The following EGFR variants were observed in gnomAD, a reference collection of about 807,000 sequenced individuals.
The protein encoded by EGFR is avian erythroblastic leukemia viral (v-erb-b) oncogene homolog.
Under a neutral mutation model 143.0 loss-of-function variants are expected in EGFR, and 58 were observed. The observed-to-expected ratio is 0.41, with a 90% CI of 0.33 to 0.50. The LOEUF is 0.50. Ranked by LOEUF, EGFR falls within the 20% of genes least tolerant of loss-of-function variation. EGFR has a pLI of 0.39. For synonymous variants in EGFR, 613 were observed against 594.4 expected (o/e 1.03, Z -0.45); for missense variants, 1,307 against 1,579.0 (o/e 0.83, Z 2.92).
intron 1 of EGFR, among the ~76,000 whole-genome samples, chr7:55,081,240 C>A (rs1245033385): frequency 5.3e-5 from 8 of 152,196 alleles, no homozygotes; most frequent in African/African-American, 1.9e-4. Context: ...CAATCATGGA[C>A]TTTTGGCGGC....
intron 15 of EGFR, among the ~76,000 whole-genome samples, chr7:55,168,972 C>T (rs1482777759): frequency 6.6e-6 from 1 of 152,082 alleles, no homozygotes; most frequent in Non-Finnish European, 1.5e-5. Flanking sequence ...GTTTCTTTAA[C>T]AACTTGTGAA....
intron 3 of EGFR, among the ~76,000 whole-genome samples, chr7:55,145,675 A>C (rs1246382137): frequency 1.3e-5 from 2 of 152,228 alleles, no homozygotes; most frequent in Non-Finnish European, 1.5e-5. Context: ...TTGCTTCATG[A>C]ATCAGAGGTC....
At chr7:55,139,555 T>C (rs773982093) in intron 1 of EGFR, among the ~76,000 whole-genome samples, 5 of 152,192 alleles carry the variant, frequency 3.3e-5, no homozygotes, top group Non-Finnish European at 7.3e-5. Flanking sequence ...AACAACCTTA[T>C]GTGTTTTCTT....
rs149375515 is a variant in EGFR at position 55,165,356 on chromosome 7, T to C, written c.1799T>C (p.Met600Thr). The change falls in exon 15 of 28, where the codon ATG becomes ACG. Residue 600 changes from methionine (M) to threonine (T), a missense_variant. This residue lies in a region of EGFR where 250 missense variants were observed against 295.1 expected (regional missense o/e 0.85). Transcript: ENST00000275493. Reference protein sequence around the residue: ...HCVKTCPAGVMGENNTLVWKY... With the variant: ...HCVKTCPAGVTGENNTLVWKY... ...GTCAAGACCTGCCCGGCAGGAGTCA[T>C]GGGAGAAAACAACACCCTGGTCTGG... 1.4e-4 allele frequency: 226 copies of C among 1,614,058 alleles called. No homozygotes were observed. Among genetic ancestry groups the C allele is most frequent in the Non-Finnish European group, 1.8e-4 (214 of 1,180,042 alleles).
rs2128975106 is a variant in EGFR, at chr7:55,205,279, A to C, written c.3295A>C (p.Lys1099Gln). 2 of 1,613,144 alleles carry C rather than the reference A, an allele frequency of 1.2e-6. No individual in the cohort carries two copies. The highest frequency in any genetic ancestry group is 2.2e-5 in the South Asian group (2 of 90,842). ...VPEYINQSVP[K>Q]RPAGSVQNPV... is the part of the protein sequence containing the mutation. ...AGAATACATAAACCAGTCCGTTCCC[A>C]AAAGGCCCGCTGGCTCTGTGCAGAA... Residue 1099 changes from lysine (K) to glutamine (Q), a missense_variant, in exon 28 of 28, where the codon AAA (lysine) becomes CAA (glutamine). Transcript: ENST00000275493.
intron 1 of EGFR, among the ~76,000 whole-genome samples, chr7:55,033,052 T>A (rs1444083198): frequency 1.3e-5 from 2 of 152,224 alleles, no homozygotes; most frequent in African/African-American, 4.8e-5. Context: ...TGTCTATGAA[T>A]GATTTTCTCA....
chr7:55,149,797 A>C (rs1794939542), intron 4 of EGFR, among the ~76,000 whole-genome samples: 1 of 152,224 alleles, frequency 6.6e-6, no homozygotes, highest in East Asian at 1.9e-4. Flanking sequence ...TAAAAATAAG[A>C]GATTGGTTGA....
At chr7:55,088,531 C>T (rs1790903641) in intron 1 of EGFR, among the ~76,000 whole-genome samples, 1 of 152,150 alleles carries the variant, frequency 6.6e-6, no homozygotes. Flanking sequence ...GCCAGGCATC[C>T]GCACTTGCAA....
At chr7:55,066,776 T>C (rs976244303) in intron 1 of EGFR, among the ~76,000 whole-genome samples, 1 of 152,158 alleles carries the variant, frequency 6.6e-6, no homozygotes, top group African/African-American at 2.4e-5. Context: ...CTCCCTGAGG[T>C]CAGCTGCCTA....
In EGFR at chr7:55,160,184, G is replaced by A. The variant is rs763266323; in HGVS notation, c.1344G>A (p.Leu448=). 3.1e-6 allele frequency: 5 copies of A among 1,614,008 alleles called. No individual in the cohort carries two copies. In the African/African-American group the frequency reaches 5.3e-5, roughly 17 times the overall value. Residue 448 remains leucine (L), a synonymous_variant, in exon 12 of 28, where the codon TTG becomes TTA. Transcript: ENST00000275493. ...LAVVSLNITS[L]GLRSLKEISD... Reference sequence around the variant, plus strand: ...TCGTCAGCCTGAACATAACATCCTTGGGATTACGCTCCCTCAAGGAGATAA... The same window carrying A: ...TCGTCAGCCTGAACATAACATCCTTAGGATTACGCTCCCTCAAGGAGATAA...
Position 55,087,280 on chromosome 7 carries a change from AAAAC to A in EGFR, c.89-55002_89-54999del, listed in dbSNP as rs1294437878. On this transcript the variant is annotated intron_variant, in intron 1 of 27. Transcript: ENST00000275493. ...AAGTAGTTTCTCAATTGTTAAAAAA[AAAAC>A]AAAAAAAAAAAAACCTGTACTCTGA... 7.2e-3 allele frequency among the ~76,000 whole-genome samples: 1,009 copies of A among 139,546 alleles called. 19 individuals are homozygous for A. The highest frequency in any genetic ancestry group is 0.023 in the African/African-American group (839 of 36,104). The allele number at this position is 139,546 out of a possible 152,430, so 91.5% of individuals were successfully genotyped here. A position where few individuals can be genotyped will look rare whatever the true frequency, so the allele number is the denominator to read the frequency against.
At chr7:55,172,718 A>G in intron 16 of EGFR, 2 of 760,146 alleles carry the variant, frequency 2.6e-6, no homozygotes, top group Non-Finnish European at 4.2e-6. Flanking sequence ...AAAAATACTC[A>G]TTATATGGAG....
chr7:55,048,125 C>T (rs912378423), intron 1 of EGFR, among the ~76,000 whole-genome samples: 5 of 152,024 alleles, frequency 3.3e-5, no homozygotes, highest in African/African-American at 9.7e-5. Context: ...GGAGGATGTG[C>T]TTGTTTTTTG....
chr7:55,181,627 C>T, intron 20 of EGFR, 149 bp downstream of exon 20: 1 of 931,950 alleles, frequency 1.1e-6, no homozygotes. Context: ...TGGATTCAAT[C>T]AAGTTGATCT....
chr7:55,021,944 T>C (rs1227072795), intron 1 of EGFR, among the ~76,000 whole-genome samples: 1 of 152,088 alleles, frequency 6.6e-6, no homozygotes, highest in East Asian at 1.9e-4. Flanking sequence ...ACTTCCAAAC[T>C]CCACTGCCTT....
chr7:55,193,434 T>A (rs1345109022), intron 22 of EGFR, among the ~76,000 whole-genome samples: 1 of 152,100 alleles, frequency 6.6e-6, no homozygotes, highest in African/African-American at 2.4e-5. Context: ...CCTGTACCCA[T>A]CCTCACGAGG....
intron 17 of EGFR, 118 bp from the exon 18 acceptor site, chr7:55,173,803 C>CTG: frequency 6.5e-7 from 1 of 1,536,548 alleles, no homozygotes; most frequent in Non-Finnish European, 9.0e-7. Context: ...AGTGCCGTGT[C>CTG]CTGGCACCCA....
chr7:55,177,845 T>C (rs1786666353), intron 19 of EGFR, among the ~76,000 whole-genome samples: 1 of 152,262 alleles, frequency 6.6e-6, no homozygotes, highest in Admixed American at 6.5e-5. Context: ...GCATGCTTGC[T>C]GTAGGTCACG....
rs1788227060 is a variant in EGFR at position 55,211,140 on chromosome 7, G to A, written c.*5523G>A. On this transcript the variant is annotated 3_prime_UTR_variant, in exon 28 of 28. Transcript: ENST00000275493. ...GTCTGTCCTATCTGAATTCCCAGCA[G>A]AAGCACTAAGAAGCTCCACCCTATC... is the stretch of plus-strand genomic sequence containing the variant. 2 of 152,188 alleles carry A rather than the reference G, an allele frequency of 1.3e-5. No homozygotes were observed. The highest frequency in any genetic ancestry group is 4.1e-4 in the South Asian group (2 of 4,836). 9.4% of individuals were successfully genotyped at this position (152,188 alleles called of 1,614,324 possible).
Sources: allele counts gnomAD v4.1 joint callset (sites outside exome capture counted in the v4.1 genomes callset), GRCh38; gene constraint gnomAD v4.1.1; regional missense constraint gnomAD v4.1.1; transcripts MANE v1.5; gene names NCBI Gene and HGNC (gene_info 2026-07-23, HGNC 2026-07-21).